Variants in UTY observed in about 807,000 individuals in gnomAD.
UTY encodes the protein histone demethylase UTY.
UTY carries 12 observed loss-of-function variants against 32.5 expected under a neutral mutation model. That is an observed-to-expected ratio of 0.37 (90% CI 0.24 to 0.60). The LOEUF (loss-of-function observed/expected upper bound fraction) is 0.60. Among genes scored for constraint, UTY ranks in the 20% least tolerant of loss-of-function variants. UTY has a pLI of 0.69. For synonymous variants in UTY, 131 were observed against 103.4 expected, an observed-to-expected ratio of 1.27 and a Z score of -1.62; for missense variants, 303 against 299.2, an observed-to-expected ratio of 1.01 and a Z score of -0.09.
intron 17 of UTY, among the ~76,000 whole-genome samples, chrY:13,352,455 C>A: frequency 1.2e-4 from 4 of 33,061 alleles, no homozygotes; most frequent in African/African-American, 4.8e-4. Context: ...AATGCAGGCA[C>A]ATGACACCAT....
At chrY:13,414,865 A>G in intron 4 of UTY, 72 bp from the exon 5 acceptor site, 2 of 189,439 alleles carry the variant, frequency 1.1e-5, no homozygotes, top group South Asian at 1.6e-4. Flanking sequence ...TATTAATAAG[A>G]AGTCACGTAA....
At position 13,462,210 on chromosome Y, in the gene UTY, G is replaced by A. The variant is rs752359265; in HGVS notation, c.325+7911C>T. 1.2e-4 allele frequency among the ~76,000 whole-genome samples: 4 copies of A among 33,319 alleles called. No homozygotes were observed. In the South Asian group the frequency reaches 2.8e-3, roughly 23 times the overall value. The allele number at this position is 33,319 out of a possible 37,273, so 89.4% of individuals were successfully genotyped here. ...CTTCGTAGAATTTTTCTTAAATACT[G>A]TGAGTCACCAAGCTCAATGCAGTAA... is the stretch of plus-strand genomic sequence containing the variant. On this transcript the variant is annotated intron_variant, in intron 3 of 29. Transcript: ENST00000545955.
Position 13,369,365 on chromosome Y carries a change from A to G in UTY, c.646-16T>C. 1 of 261,442 alleles carries G rather than the reference A, an allele frequency of 3.8e-6. No homozygotes were observed. The highest frequency in any genetic ancestry group is 6.1e-5 in the South Asian group (1 of 16,311). The allele number at this position is 261,442 out of a possible 400,897, so 65.2% of individuals were successfully genotyped here. A position where few individuals can be genotyped will look rare whatever the true frequency, so the allele number is the denominator to read the frequency against. ...GATACTTCCTCTAAAGAGCAAAGGA[A>G]AAAGAATATTTAGAGAAAAATAAAT... On this transcript the variant is annotated splice_polypyrimidine_tract_variant and intron_variant, in intron 8 of 29. Transcript: ENST00000545955.
chrY:13,366,807 A>C (rs2064213881), intron 9 of UTY, among the ~76,000 whole-genome samples: 1 of 34,905 alleles, frequency 2.9e-5, no homozygotes, highest in Non-Finnish European at 7.2e-5. Context: ...GAATAAAAAA[A>C]TGCTTATGTA....
At chrY:13,419,826 T>C in intron 4 of UTY, among the ~76,000 whole-genome samples, 1 of 33,357 alleles carries the variant, frequency 3.0e-5, no homozygotes, top group Non-Finnish European at 7.4e-5. Context: ...ACATTTGCAT[T>C]AGCCTATAGT....
chrY:13,409,848 C>G, intron 6 of UTY, among the ~76,000 whole-genome samples: 1 of 33,496 alleles, frequency 3.0e-5, no homozygotes, highest in East Asian at 7.9e-4. Context: ...CACTGAGTTC[C>G]TCTGGTGGAC....
chrY:13,321,835 A>G (rs2148920451), intron 21 of UTY, among the ~76,000 whole-genome samples: 2 of 32,587 alleles, frequency 6.1e-5, no homozygotes, highest in Non-Finnish European at 1.5e-4. Flanking sequence ...ATTATCTGAG[A>G]CCTGTCTCAG....
intron 4 of UTY, among the ~76,000 whole-genome samples, chrY:13,446,966 T>G: frequency 3.1e-5 from 1 of 32,117 alleles, no homozygotes; most frequent in Non-Finnish European, 7.7e-5. Flanking sequence ...AAAAAAAAAT[T>G]TTTTTTTTAA....
At chrY:13,422,829 T>C in intron 4 of UTY, among the ~76,000 whole-genome samples, 1 of 33,484 alleles carries the variant, frequency 3.0e-5, no homozygotes, top group Non-Finnish European at 7.4e-5. Flanking sequence ...TGAAGTGGTT[T>C]AAACTCTTCT....
At chrY:13,306,664 A>G in intron 21 of UTY, among the ~76,000 whole-genome samples, 3 of 33,266 alleles carry the variant, frequency 9.0e-5, no homozygotes, top group African/African-American at 3.5e-4. Context: ...ATATTAAAAC[A>G]AAAAAAGATG....
At chrY:13,476,099 G>A in intron 2 of UTY, 1 of 225,034 alleles carries the variant, frequency 4.4e-6, no homozygotes, top group Non-Finnish European at 5.3e-6. Flanking sequence ...TTGGAACTGT[G>A]CCTAGATATC....
chrY:13,365,124 T>C, intron 10 of UTY, among the ~76,000 whole-genome samples: 4 of 33,542 alleles, frequency 1.2e-4, no homozygotes, highest in Non-Finnish European at 2.2e-4. Context: ...ACAATTTAAA[T>C]ACTAAATTGA....
chrY:13,284,255 T>C, intron 27 of UTY, among the ~76,000 whole-genome samples: 2 of 33,960 alleles, frequency 5.9e-5, no homozygotes, highest in African/African-American at 2.3e-4. Context: ...AAAATATACC[T>C]TTAGTAAAAA....
chrY:13,389,392 A>AG (rs2067274946), intron 8 of UTY, among the ~76,000 whole-genome samples: 1 of 33,297 alleles, frequency 3.0e-5, no homozygotes, highest in Non-Finnish European at 7.4e-5. Flanking sequence ...TTAGTGCCAC[A>AG]TCCAGAAAAA....
chrY:13,262,650 G>A, intron 27 of UTY, among the ~76,000 whole-genome samples: 2 of 23,880 alleles, frequency 8.4e-5, no homozygotes, highest in African/African-American at 3.4e-4. Flanking sequence ...TGCAACCTCT[G>A]CCTCCTGGGC....
intron 8 of UTY, among the ~76,000 whole-genome samples, chrY:13,376,362 G>A: frequency 3.0e-5 from 1 of 33,380 alleles, no homozygotes; most frequent in East Asian, 7.7e-4. Flanking sequence ...TAATAATAAA[G>A]ACAACTTCTT....
chrY:13,308,833 C>A, intron 21 of UTY, among the ~76,000 whole-genome samples: 1 of 33,303 alleles, frequency 3.0e-5, no homozygotes, highest in Non-Finnish European at 7.4e-5. Context: ...GGTTTATACC[C>A]AGACAATGTA....
At chrY:13,322,680 A>T in intron 21 of UTY, among the ~76,000 whole-genome samples, 3 of 33,891 alleles carry the variant, frequency 8.9e-5, no homozygotes, top group Admixed American at 5.4e-4. Flanking sequence ...TATTTTCTTA[A>T]TTTTTTTGAA....
intron 6 of UTY, among the ~76,000 whole-genome samples, chrY:13,409,691 C>A: frequency 3.0e-5 from 1 of 33,368 alleles, no homozygotes; most frequent in Non-Finnish European, 7.5e-5. Flanking sequence ...GTTATGCTAA[C>A]AATTGATTTA....
Sources: allele counts gnomAD v4.1 joint callset (sites outside exome capture counted in the v4.1 genomes callset), GRCh38; gene constraint gnomAD v4.1.1; transcripts MANE v1.5; gene names NCBI Gene and HGNC (gene_info 2026-07-23, HGNC 2026-07-21).